The following ZNF365 variants were observed in gnomAD, a reference collection of about 807,000 sequenced individuals.
ZNF365 encodes zinc finger protein 365, also known as protein ZNF365.
In ZNF365, 22 loss-of-function variants were observed where a neutral mutation model predicts 35.0. The observed-to-expected ratio is 0.63, with a 90% CI of 0.45 to 0.90. ZNF365 has a LOEUF of 0.90. Ranked by LOEUF, ZNF365 falls within the 40% of genes least tolerant of loss-of-function variation. The pLI is 0.00. For missense variants in ZNF365, 448 were observed against 500.3 expected, an observed-to-expected ratio of 0.90 and a Z score of 1.00; for synonymous variants, 188 against 196.2, an observed-to-expected ratio of 0.96 and a Z score of 0.35.
At chr10:62,403,657 C>CA (rs899657737), downstream of ZNF365, among the ~76,000 whole-genome samples, 15 of 150,766 alleles carry the variant, frequency 9.9e-5, no homozygotes, top group East Asian at 5.9e-4. Flanking sequence ...GACTCCATCT[C>CA]AAAAAAAACA....
intron 4 of ZNF365, among the ~76,000 whole-genome samples, chr10:62,474,662 T>G (rs1171383911): frequency 1.3e-5 from 2 of 152,254 alleles, no homozygotes; most frequent in Non-Finnish European, 2.9e-5. Context: ...CCAATCTCAT[T>G]GTCCACCTCA....
intron 3 of ZNF365, among the ~76,000 whole-genome samples, chr10:62,397,063 T>C (rs535040560): frequency 1.3e-5 from 2 of 152,380 alleles, no homozygotes; most frequent in South Asian, 4.1e-4. Flanking sequence ...GCTACCAGCC[T>C]GGCGTTTGCC....
exon 5 of ZNF365, chr10:62,480,031 C>T: frequency 1.4e-6 from 2 of 1,431,526 alleles, no homozygotes; most frequent in Non-Finnish European, 1.9e-6. Context: ...TTACAAGAAA[C>T]TTGGGCTACT....
Position 62,445,584 on chromosome 10 carries a change from G to A in ZNF365, c.925-14157G>A, listed in dbSNP as rs148694250. Among the ~76,000 whole-genome samples, 34 of 152,246 alleles carry A rather than the reference G, an allele frequency of 2.2e-4. No individual in the cohort carries two copies. In the East Asian group the frequency reaches 6.2e-3, roughly 28 times the overall value. On this transcript the variant is annotated intron_variant, in intron 3 of 4. Coordinates refer to the ZNF365 transcript ENST00000395255. ...ATCCTGAGATCCCACCTATTGAATGGCACTTTTCTAGAGTGAGGTTTTACA... is the reference window on the plus strand; with the variant it reads ...ATCCTGAGATCCCACCTATTGAATGACACTTTTCTAGAGTGAGGTTTTACA...
downstream of ZNF365, among the ~76,000 whole-genome samples, chr10:62,403,606 T>G (rs546956874): frequency 1.3e-5 from 2 of 152,024 alleles, no homozygotes; most frequent in African/African-American, 2.4e-5. Context: ...TGCAGTGAGC[T>G]GAGATCGCGC....
At chr10:62,397,294 T>G (rs1839745148) in intron 3 of ZNF365, among the ~76,000 whole-genome samples, 1 of 151,744 alleles carries the variant, frequency 6.6e-6, no homozygotes, top group African/African-American at 2.4e-5. Flanking sequence ...TTAAGGAACT[T>G]CCTTTGCGGC....
chr10:62,414,250 A>C (rs1260016582), intron 3 of ZNF365, among the ~76,000 whole-genome samples: 1 of 151,878 alleles, frequency 6.6e-6, no homozygotes, highest in Non-Finnish European at 1.5e-5. Context: ...CCCAGGCTGG[A>C]ATGCAATGGT....
intron 2 of ZNF365, among the ~76,000 whole-genome samples, chr10:62,383,748 A>G (rs1453638880): frequency 6.6e-6 from 1 of 152,232 alleles, no homozygotes; most frequent in Non-Finnish European, 1.5e-5. Context: ...CCTGTCTTTA[A>G]CCCATCTCAG....
intron 4 of ZNF365, among the ~76,000 whole-genome samples, chr10:62,464,530 CTCTG>C (rs1304112573): frequency 6.6e-6 from 1 of 152,218 alleles, no homozygotes; most frequent in Non-Finnish European, 1.5e-5. Flanking sequence ...TGGATGGTTG[CTCTG>C]TCTGTTGAGG....
rs1204150002 is a variant in ZNF365 at position 62,444,493 on chromosome 10, GGGCTGGTAATGGCCCTAGGA to G, written c.925-15237_925-15218del. On this transcript the variant is annotated intron_variant, in intron 3 of 4. Transcript: ENST00000395255. The stretch of plus-strand genomic sequence containing the variant: ...GCAATTGTCTTGGCCCTGGGCCCCA[GGGCTGGTAATGGCCCTAGGA>G]GGCTGGTAATAGCCTCCTATTGTTG... Among the ~76,000 whole-genome samples the G allele has an allele frequency of 3.3e-5, 5 of 152,252 alleles. No homozygotes were observed. The East Asian group carries it at 9.7e-4, about 29-fold the overall frequency.
In ZNF365 at chr10:62,376,274, C is replaced by T. The variant is rs765477167; in HGVS notation, c.81C>T (p.Arg27=). Residue 27 remains arginine (R), a synonymous_variant, in exon 2 of 5, where the codon CGC becomes CGT. Transcript: ENST00000395254. Reference sequence around the variant, plus strand: ...ATGTTGCTGTGTGCCTGCCATTACGCTGCCCGAGGTGTGGAGACCATACCA... The same window carrying T: ...ATGTTGCTGTGTGCCTGCCATTACGTTGCCCGAGGTGTGGAGACCATACCA... ...FENVAVCLPL[R]CPRCGDHTRF... 5.6e-6 allele frequency: 9 copies of T among 1,614,162 alleles called. No individual in the cohort carries two copies. The South Asian group carries it at 9.9e-5, about 18-fold the overall frequency.
intron 4 of ZNF365, among the ~76,000 whole-genome samples, chr10:62,461,517 C>T (rs1160949562): frequency 6.6e-6 from 1 of 152,240 alleles, no homozygotes; most frequent in Admixed American, 6.5e-5. Context: ...GCTTTCCTGA[C>T]CGTGTTCCGC....
Position 62,399,604 on chromosome 10 carries a change from C to T in ZNF365, c.1039C>T (p.Leu347=), listed in dbSNP as rs753594739. 1.4e-5 allele frequency: 23 copies of T among 1,614,030 alleles called. No individual in the cohort carries two copies. The African/African-American group carries it at 2.7e-4, about 19-fold the overall frequency. The change falls in exon 5 of 5, where the codon CTG becomes TTG. Residue 347 remains leucine, a synonymous_variant. Coordinates refer to ENST00000395254, the MANE Select transcript of ZNF365 (RefSeq NM_014951.3). The part of the protein sequence containing the change: ...AHFHPKGRNH[L]KKAKDDRASM... ...TTTCCACCCAAAGGGAAGGAACCAC[C>T]TGAAAAAGGCCAAGGATGACAGAGC... is the stretch of plus-strand genomic sequence containing the variant.
rs1022308047 is a variant in ZNF365, at chr10:62,427,125, G to A, written c.925-32616G>A. ...CGTTACTCACATGTTTGTGGTGATG[G>A]TTAATAAATGACTATATTACTGGCT... On this transcript the variant is annotated intron_variant, in intron 3 of 4. Coordinates refer to the ZNF365 transcript ENST00000395255. Among the ~76,000 whole-genome samples the A allele has an allele frequency of 1.8e-4, 27 of 152,154 alleles. 1 individual carries two copies. Among genetic ancestry groups the A allele is most frequent in the African/African-American group, 6.3e-4 (26 of 41,428 alleles).
At chr10:62,412,394 T>G (rs1037017278) in intron 3 of ZNF365, among the ~76,000 whole-genome samples, 9 of 152,156 alleles carry the variant, frequency 5.9e-5, no homozygotes, top group Non-Finnish European at 1.0e-4. Context: ...GTCTGTTGTT[T>G]CTTACCATTG....
intron 3 of ZNF365, among the ~76,000 whole-genome samples, chr10:62,448,918 G>A (rs894738032): frequency 3.3e-5 from 5 of 152,146 alleles, no homozygotes; most frequent in Admixed American, 6.5e-5. Context: ...TGGACTTATC[G>A]ATTATTATTT....
At chr10:62,440,206 G>GT (rs1344833426) in intron 3 of ZNF365, among the ~76,000 whole-genome samples, 10 of 129,480 alleles carry the variant, frequency 7.7e-5, no homozygotes, top group African/African-American at 2.7e-4. Flanking sequence ...ATTTATTTTT[G>GT]TATCTCCTCT....
intron 4 of ZNF365, chr10:62,479,863 C>T: frequency 6.3e-7 from 1 of 1,596,262 alleles, no homozygotes; most frequent in Non-Finnish European, 8.6e-7. Context: ...TTCCTTTTGG[C>T]TTTTATGACT....
chr10:62,383,171 A>G (rs566308273), intron 2 of ZNF365, among the ~76,000 whole-genome samples: 1 of 152,344 alleles, frequency 6.6e-6, no homozygotes, highest in African/African-American at 2.4e-5. Context: ...GCAGAAATGC[A>G]TTAATCCTGT....
Sources: allele counts gnomAD v4.1 joint callset (sites outside exome capture counted in the v4.1 genomes callset), GRCh38; gene constraint gnomAD v4.1.1; transcripts MANE v1.5; gene names NCBI Gene and HGNC (gene_info 2026-07-23, HGNC 2026-07-21).